The following HIPK3 variants were observed in gnomAD, a reference collection of about 807,000 sequenced individuals.
The protein encoded by HIPK3 is homeodomain-interacting protein kinase 3.
Under a neutral mutation model 124.2 loss-of-function variants are expected in HIPK3, and 47 were observed. The observed-to-expected ratio is 0.38, with a 90% CI of 0.30 to 0.48. The LOEUF is 0.48. Among genes scored for constraint, HIPK3 ranks in the 20% least tolerant of loss-of-function variants. The pLI, the probability that HIPK3 is intolerant of heterozygous loss-of-function variation, is 0.98. For missense variants in HIPK3, 1,286 were observed against 1,454.3 expected (o/e 0.88, Z 1.88); for synonymous variants, 482 against 515.2 (o/e 0.94, Z 0.87).
intron 2 of HIPK3, among the ~76,000 whole-genome samples, chr11:33,322,286 A>C (rs1852687920): frequency 1.3e-5 from 2 of 152,028 alleles, no homozygotes; most frequent in East Asian, 3.9e-4. Flanking sequence ...GGCATGAGCC[A>C]CCACACCTGG....
At chr11:33,292,906 GTTTTGTAT>G (rs1316733518) in intron 2 of HIPK3, among the ~76,000 whole-genome samples, 1 of 151,956 alleles carries the variant, frequency 6.6e-6, no homozygotes, top group Non-Finnish European at 1.5e-5. Flanking sequence ...TGGCTAATTT[GTTTTGTAT>G]TTTTGGTAGA....
At chr11:33,277,758 A>T (rs578256863) in intron 1 of HIPK3, among the ~76,000 whole-genome samples, 9 of 152,280 alleles carry the variant, frequency 5.9e-5, no homozygotes, top group African/African-American at 2.2e-4. Context: ...CTCAAAAGTG[A>T]TTGTACTTCT....
chr11:33,268,452 G>A (rs1004817730), intron 1 of HIPK3, among the ~76,000 whole-genome samples: 5 of 151,748 alleles, frequency 3.3e-5, no homozygotes, highest in African/African-American at 9.7e-5. Flanking sequence ...TTACCTGAGT[G>A]AGGTGGTGCA....
intron 1 of HIPK3, among the ~76,000 whole-genome samples, chr11:33,281,437 T>C (rs1053033696): frequency 6.6e-6 from 1 of 152,228 alleles, no homozygotes; most frequent in African/African-American, 2.4e-5. Flanking sequence ...TTCTATATTA[T>C]TTCAAAGCAA....
intron 1 of HIPK3, among the ~76,000 whole-genome samples, chr11:33,274,708 C>G (rs1851226571): frequency 6.6e-6 from 1 of 151,886 alleles, no homozygotes; most frequent in African/African-American, 2.4e-5. Flanking sequence ...AAGAGTAATC[C>G]TTGTGTAATT....
chr11:33,301,374 GTTA>G (rs1439639004), intron 2 of HIPK3, among the ~76,000 whole-genome samples: 1 of 151,978 alleles, frequency 6.6e-6, no homozygotes, highest in Non-Finnish European at 1.5e-5. Flanking sequence ...GTGTGATTAT[GTTA>G]TTATTTTTGA....
intron 8 of HIPK3, among the ~76,000 whole-genome samples, chr11:33,344,015 C>T (rs1590190086): frequency 2.0e-5 from 3 of 151,966 alleles, no homozygotes; most frequent in Non-Finnish European, 4.4e-5. Flanking sequence ...TCAGTTTTTT[C>T]CCCCAAGTGT....
At chr11:33,343,143 C>G (rs2133990030) in intron 8 of HIPK3, among the ~76,000 whole-genome samples, 1 of 151,850 alleles carries the variant, frequency 6.6e-6, no homozygotes, top group East Asian at 1.9e-4. Flanking sequence ...TGTAGGCTAG[C>G]CTGTTTACTT....
chr11:33,306,809 A>G (rs550665710), intron 2 of HIPK3, among the ~76,000 whole-genome samples: 1 of 152,318 alleles, frequency 6.6e-6, no homozygotes, highest in African/African-American at 2.4e-5. Flanking sequence ...AGTAGTAATG[A>G]TATGATGATA....
intron 1 of HIPK3, among the ~76,000 whole-genome samples, chr11:33,277,352 T>C (rs755245676): frequency 2.3e-4 from 35 of 152,348 alleles, no homozygotes; most frequent in Non-Finnish European, 1.9e-4. Flanking sequence ...TACGTTGATA[T>C]ATGTAATTTC....
chr11:33,281,058 C>CTTTTTTTTTTTTTTTTTT lies in HIPK3; in HGVS notation c.-2-5343_-2-5326dup, dbSNP rs56902582. Among the ~76,000 whole-genome samples the CTTTTTTTTTTTTTTTTTT allele has an allele frequency of 8.9e-5, 10 of 111,806 alleles. 1 individual carries two copies. The highest frequency in any genetic ancestry group is 6.1e-4 in the South Asian group (2 of 3,276). The allele number at this position is 111,806 out of a possible 152,430, so 73.3% of individuals were successfully genotyped here. ...TTTATGTGTATATTTACTTATTTGACTTTTTTTTTTTTTTTTTTTTTTTTT... is the reference window on the plus strand; with the variant it reads ...TTTATGTGTATATTTACTTATTTGACTTTTTTTTTTTTTTTTTTTTTTTTTTTTTTTTTTTTTTTTTTT... On this transcript the variant is annotated intron_variant, in intron 1 of 16. Transcript: ENST00000303296.
intron 8 of HIPK3, among the ~76,000 whole-genome samples, chr11:33,344,597 G>A (rs1247622361): frequency 2.0e-5 from 3 of 152,074 alleles, no homozygotes; most frequent in Admixed American, 6.5e-5. Flanking sequence ...CTATATCAGT[G>A]GTTTACAATA....
At chr11:33,314,611 G>T (rs1852442750) in intron 2 of HIPK3, among the ~76,000 whole-genome samples, 1 of 152,086 alleles carries the variant, frequency 6.6e-6, no homozygotes, top group Non-Finnish European at 1.5e-5. Context: ...AGCTGAGATT[G>T]TGTCACTGCA....
At chr11:33,325,097 T>C (rs920272935) in intron 2 of HIPK3, among the ~76,000 whole-genome samples, 1 of 152,256 alleles carries the variant, frequency 6.6e-6, no homozygotes, top group African/African-American at 2.4e-5. Context: ...CAATTCCTGA[T>C]CAAGATTTTG....
chr11:33,291,973 A>G (rs1002080317), intron 2 of HIPK3, among the ~76,000 whole-genome samples: 1 of 152,214 alleles, frequency 6.6e-6, no homozygotes, highest in East Asian at 1.9e-4. Context: ...CTTTCATGGC[A>G]TTCTTACCTC....
chr11:33,261,092 G>A (rs1590332195), intron 1 of HIPK3, among the ~76,000 whole-genome samples: 1 of 143,302 alleles, frequency 7.0e-6, no homozygotes, highest in Non-Finnish European at 1.5e-5. Flanking sequence ...AGTCTAAAGG[G>A]ATTATATGTA....
At chr11:33,319,456 A>T (rs887901535) in intron 2 of HIPK3, among the ~76,000 whole-genome samples, 6 of 151,356 alleles carry the variant, frequency 4.0e-5, no homozygotes, top group Non-Finnish European at 7.4e-5. Context: ...AGATTGTGCC[A>T]TTGCACTCCA....
chr11:33,340,908 C>T, intron 6 of HIPK3, 60 bp from the exon 7 acceptor site: 11 of 1,035,052 alleles, frequency 1.1e-5, no homozygotes, highest in South Asian at 2.3e-5. Flanking sequence ...GTCAATGTAC[C>T]TCAATTTAAA....
intron 16 of HIPK3, 108 bp from the exon 17 acceptor site, chr11:33,352,984 A>G: frequency 3.0e-6 from 2 of 663,508 alleles, no homozygotes; most frequent in South Asian, 2.0e-5. Flanking sequence ...TGAGAGATCC[A>G]CTATGAGTTA....
Sources: gnomAD v4.1 joint callset for allele counts (sites outside exome capture counted in the v4.1 genomes callset) on GRCh38, gnomAD v4.1.1 for gene constraint, MANE v1.5 for transcripts, NCBI Gene and HGNC (gene_info 2026-07-23, HGNC 2026-07-21) for gene names.